The following ELAVL2 variants were observed in gnomAD, a reference collection of about 807,000 sequenced individuals.
The protein encoded by ELAVL2 is ELAV-like protein 2.
ELAVL2 carries 4 observed loss-of-function variants against 34.6 expected under a neutral mutation model. That is an observed-to-expected ratio of 0.12 (90% CI 0.06 to 0.26). The LOEUF (loss-of-function observed/expected upper bound fraction) is 0.26, where lower values mean the gene tolerates loss of function less well. Ranked by LOEUF, ELAVL2 falls within the 10% of genes least tolerant of loss-of-function variation. The probability of loss-of-function intolerance (pLI) is 1.00; values close to 1 mark genes in which losing one functional copy is unlikely to be tolerated. For missense variants in ELAVL2, 432 were observed against 442.8 expected, an observed-to-expected ratio of 0.98 and a Z score of 0.22; for synonymous variants, 193 against 154.8, an observed-to-expected ratio of 1.25 and a Z score of -1.83.
intron 2 of ELAVL2, among the ~76,000 whole-genome samples, chr9:23,750,664 T>G (rs1211690083): frequency 1.3e-5 from 2 of 152,176 alleles, no homozygotes; most frequent in Non-Finnish European, 2.9e-5. Flanking sequence ...CTTGTCTACA[T>G]GAGAAGATGT....
chr9:23,710,747 G>A (rs1564004481), intron 3 of ELAVL2, among the ~76,000 whole-genome samples: 1 of 152,190 alleles, frequency 6.6e-6, no homozygotes, highest in African/African-American at 2.4e-5. Context: ...TAAAGATGGA[G>A]TCTTCGTGGG....
chr9:23,702,398 T>C (rs1320892195), intron 4 of ELAVL2, among the ~76,000 whole-genome samples: 1 of 152,086 alleles, frequency 6.6e-6, no homozygotes, highest in Non-Finnish European at 1.5e-5. Flanking sequence ...AAGACACAAA[T>C]GGGAAAGGAT....
Position 23,715,204 on chromosome 9 carries a change from A to G in ELAVL2, c.334-10133T>C, listed in dbSNP as rs192995303. 4.6e-5 allele frequency among the ~76,000 whole-genome samples: 7 copies of G among 152,278 alleles called. No individual in the cohort carries two copies. The East Asian group carries it at 1.4e-3, about 29-fold the overall frequency. ...GAGGCAGAGTCTCACTCTGGAGTGC[A>G]GTGGCACGATCTCAGCTCACTGCAA... On this transcript the variant is annotated intron_variant, in intron 3 of 6. Transcript: ENST00000397312.
At chr9:23,808,203 A>G (rs957574556) in intron 1 of ELAVL2, among the ~76,000 whole-genome samples, 2 of 148,334 alleles carry the variant, frequency 1.3e-5, no homozygotes, top group African/African-American at 5.0e-5. Context: ...AATGATCTTC[A>G]CTAATCACCT....
At chr9:23,762,300 T>A (rs1325025460) in intron 1 of ELAVL2, 51 bp from the exon 2 acceptor site, 18 of 1,581,178 alleles carry the variant, frequency 1.1e-5, no homozygotes, top group Non-Finnish European at 1.5e-5. Flanking sequence ...CACAACCTAT[T>A]AGAGACTCCA....
intron 3 of ELAVL2, among the ~76,000 whole-genome samples, chr9:23,711,418 C>T (rs1220935891): frequency 6.6e-6 from 1 of 152,144 alleles, no homozygotes; most frequent in African/African-American, 2.4e-5. Context: ...CTAAAGGGCT[C>T]CCTAAGACTT....
intron 1 of ELAVL2, among the ~76,000 whole-genome samples, chr9:23,823,226 C>A (rs1311638617): frequency 2.6e-5 from 4 of 152,188 alleles, no homozygotes; most frequent in Non-Finnish European, 2.9e-5. Context: ...TTTGACCTCT[C>A]AGTAAATAGT....
chr9:23,797,797 G>A (rs1772010818), intron 1 of ELAVL2, among the ~76,000 whole-genome samples: 2 of 152,236 alleles, frequency 1.3e-5, no homozygotes, highest in Non-Finnish European at 1.5e-5. Context: ...GCGTGGTGGC[G>A]CATGCCTGTA....
At chr9:23,783,967 C>T (rs963741041) in intron 1 of ELAVL2, among the ~76,000 whole-genome samples, 2 of 151,256 alleles carry the variant, frequency 1.3e-5, no homozygotes, top group Admixed American at 6.6e-5. Flanking sequence ...GGCTGAGGCG[C>T]GTGGATCACG....
intron 2 of ELAVL2, among the ~76,000 whole-genome samples, chr9:23,737,297 A>G (rs2048128866): frequency 6.6e-6 from 1 of 152,192 alleles, no homozygotes; most frequent in Non-Finnish European, 1.5e-5. Context: ...CATGTTCCTC[A>G]TGTCCCTACA....
At chr9:23,696,903 A>G (rs1399922718) in intron 5 of ELAVL2, among the ~76,000 whole-genome samples, 2 of 151,806 alleles carry the variant, frequency 1.3e-5, no homozygotes, top group African/African-American at 4.8e-5. Context: ...TAAAGTATCC[A>G]TTAAATATAT....
At chr9:23,768,221 C>G (rs1342103290) in intron 1 of ELAVL2, among the ~76,000 whole-genome samples, 2 of 152,188 alleles carry the variant, frequency 1.3e-5, no homozygotes, top group Non-Finnish European at 2.9e-5. Context: ...ACCTTAAGAT[C>G]TGAACTACTC....
intron 1 of ELAVL2, among the ~76,000 whole-genome samples, chr9:23,776,250 A>G (rs940011753): frequency 1.8e-4 from 27 of 152,180 alleles, no homozygotes; most frequent in African/African-American, 4.8e-4. Context: ...TACTAATTCC[A>G]TATTGTAAGC....
At chr9:23,744,707 T>C (rs1170425135) in intron 2 of ELAVL2, among the ~76,000 whole-genome samples, 3 of 151,954 alleles carry the variant, frequency 2.0e-5, no homozygotes, top group South Asian at 2.1e-4. Flanking sequence ...AAGCCTACTA[T>C]ACTATTTTGG....
chr9:23,748,307 A>G (rs2051012142), intron 2 of ELAVL2, among the ~76,000 whole-genome samples: 1 of 152,172 alleles, frequency 6.6e-6, no homozygotes, highest in East Asian at 1.9e-4. Flanking sequence ...TCAAGTGCTC[A>G]GCAGAGAATG....
chr9:23,712,845 T>G (rs941240493), intron 3 of ELAVL2, among the ~76,000 whole-genome samples: 1 of 152,164 alleles, frequency 6.6e-6, no homozygotes, highest in Non-Finnish European at 1.5e-5. Flanking sequence ...AAATAAGTGA[T>G]CCTATGACAT....
chr9:23,790,782 T>G lies in ELAVL2; in HGVS notation c.-15-28533A>C, dbSNP rs551391343. On this transcript the variant is annotated intron_variant, in intron 1 of 6. Transcript: ENST00000397312. ...TCCGCATACCTCATTAAGTTCTGAC[T>G]TGAGGATGTCTGCTCTGGACGAGCA... 5.6e-4 allele frequency among the ~76,000 whole-genome samples: 85 copies of G among 152,342 alleles called. 2 individuals carry two copies. Among genetic ancestry groups the G allele is most frequent in the African/African-American group, 2.0e-3 (83 of 41,574 alleles).
chr9:23,758,378 TAAGA>T (rs1482497929), intron 2 of ELAVL2, among the ~76,000 whole-genome samples: 4 of 152,006 alleles, frequency 2.6e-5, no homozygotes, highest in African/African-American at 9.7e-5. Context: ...AAGTATTCAG[TAAGA>T]AACTCAGAAA....
chr9:23,777,252 G>A (rs1473277499), intron 1 of ELAVL2, among the ~76,000 whole-genome samples: 1 of 152,066 alleles, frequency 6.6e-6, no homozygotes, highest in African/African-American at 2.4e-5. Context: ...ATCTGAGATG[G>A]GTATGAACAA....
Sources: gnomAD v4.1 joint callset for allele counts (sites outside exome capture counted in the v4.1 genomes callset) on GRCh38, gnomAD v4.1.1 for gene constraint, MANE v1.5 for transcripts, NCBI Gene and HGNC (gene_info 2026-07-23, HGNC 2026-07-21) for gene names.